Variants in AKR1C8 observed in about 807,000 individuals in gnomAD.
AKR1C8 encodes the protein aldo-keto reductase family 1 member C8.
At chr10:5,168,648 A>C in the AKR1C8 span, among the ~76,000 whole-genome samples, 6 of 152,174 alleles carry the variant, frequency 3.9e-5, no homozygotes, top group African/African-American at 1.4e-4. Context: ...TACTACTGAG[A>C]AACAGAGAGC....
At chr10:5,125,465 T>TC in the AKR1C8 span, among the ~76,000 whole-genome samples, 1 of 151,978 alleles carries the variant, frequency 6.6e-6, no homozygotes, top group Non-Finnish European at 1.5e-5. Flanking sequence ...CCAGAATACC[T>TC]CCCCTAGGGC....
chr10:5,142,171 A>G, the AKR1C8 span, among the ~76,000 whole-genome samples: 3 of 152,114 alleles, frequency 2.0e-5, no homozygotes, highest in Non-Finnish European at 4.4e-5. Flanking sequence ...CTAGATTTCT[A>G]ACATCTTCTC....
chr10:5,143,648 GTA>G, the AKR1C8 span, among the ~76,000 whole-genome samples: 1 of 149,968 alleles, frequency 6.7e-6, no homozygotes, highest in Admixed American at 6.6e-5. Context: ...ACATATACAT[GTA>G]TATATAATAC....
chr10:5,172,681 GCAACTCTTAAGA>G, the AKR1C8 span, among the ~76,000 whole-genome samples: 1 of 152,036 alleles, frequency 6.6e-6, no homozygotes, highest in Non-Finnish European at 1.5e-5. Context: ...ACGTATGCTG[GCAACTCTTAAGA>G]CATTTCTAAT....
the AKR1C8 span, among the ~76,000 whole-genome samples, chr10:5,176,088 T>C: frequency 1.5e-3 from 226 of 152,098 alleles, 1 homozygote; most frequent in African/African-American, 5.1e-3. Context: ...CTAGGTTTTC[T>C]TCTAGGGTTT....
chr10:5,165,842 G>GGA, the AKR1C8 span, among the ~76,000 whole-genome samples: 1 of 151,942 alleles, frequency 6.6e-6, no homozygotes, highest in Non-Finnish European at 1.5e-5. Context: ...GTAACTCCAG[G>GGA]GAGGCTTATG....
the AKR1C8 span, among the ~76,000 whole-genome samples, chr10:5,127,740 A>G: frequency 6.6e-6 from 1 of 151,146 alleles, no homozygotes; most frequent in Non-Finnish European, 1.5e-5. Context: ...AAAAAAAAAA[A>G]AAAAAAAAAG....
At chr10:5,148,808 A>G in the AKR1C8 span, among the ~76,000 whole-genome samples, 8 of 152,160 alleles carry the variant, frequency 5.3e-5, no homozygotes, top group Admixed American at 3.3e-4. Context: ...CATAGTGAGT[A>G]TGGGGTCCAG....
the AKR1C8 span, among the ~76,000 whole-genome samples, chr10:5,140,487 G>A: frequency 6.6e-6 from 1 of 152,260 alleles, no homozygotes; most frequent in Admixed American, 6.5e-5. Context: ...ATGAGTTCAT[G>A]TCCTTTGTAG....
chr10:5,184,414 A>T, the AKR1C8 span, among the ~76,000 whole-genome samples: 1 of 152,176 alleles, frequency 6.6e-6, no homozygotes, highest in Non-Finnish European at 1.5e-5. Flanking sequence ...CATTGATGAG[A>T]CTGTAACAGA....
At chr10:5,135,181 T>C in the AKR1C8 span, 1 of 225,668 alleles carries the variant, frequency 4.4e-6, no homozygotes. Context: ...AATACAGGCA[T>C]GAAATGACCA....
the AKR1C8 span, among the ~76,000 whole-genome samples, chr10:5,143,687 T>C: frequency 1.3e-5 from 2 of 148,568 alleles, no homozygotes; most frequent in South Asian, 2.1e-4. Flanking sequence ...ATCTAACATA[T>C]ACTAGATATA....
chr10:5,137,891 G>C, the AKR1C8 span, among the ~76,000 whole-genome samples: 7 of 152,010 alleles, frequency 4.6e-5, no homozygotes, highest in East Asian at 7.7e-4. Context: ...TAAGAACAGG[G>C]AATAGGTACA....
the AKR1C8 span, among the ~76,000 whole-genome samples, chr10:5,129,726 A>G: frequency 0.39 from 59,585 of 151,864 alleles, 12,498 homozygotes; most frequent in Non-Finnish European, 0.43. Flanking sequence ...TCAGGAAGAA[A>G]TAGAAAACCA....
the AKR1C8 span, among the ~76,000 whole-genome samples, chr10:5,126,055 A>G: frequency 6.6e-6 from 1 of 152,204 alleles, no homozygotes; most frequent in South Asian, 2.1e-4. Flanking sequence ...AGTTTCTTTC[A>G]GCAGAGACAC....
chr10:5,125,534 C>A, the AKR1C8 span, among the ~76,000 whole-genome samples: 4 of 152,140 alleles, frequency 2.6e-5, no homozygotes, highest in African/African-American at 9.7e-5. Flanking sequence ...TGGAAACCAA[C>A]CAACACAGTT....
chr10:5,158,366 A>G, the AKR1C8 span, among the ~76,000 whole-genome samples: 4 of 152,172 alleles, frequency 2.6e-5, no homozygotes, highest in East Asian at 7.7e-4. Context: ...CCACTTTAAA[A>G]TTTATTTTAG....
At chr10:5,128,603 C>T in the AKR1C8 span, among the ~76,000 whole-genome samples, 1 of 151,750 alleles carries the variant, frequency 6.6e-6, no homozygotes, top group African/African-American at 2.4e-5. Flanking sequence ...AGATTCCATG[C>T]AAATGGAAAC....
the AKR1C8 span, among the ~76,000 whole-genome samples, chr10:5,142,214 A>T: frequency 2.6e-3 from 396 of 152,258 alleles, 1 homozygote; most frequent in South Asian, 4.1e-3. Flanking sequence ...GCCTTCATAC[A>T]CTTGAAGAGA....
Sources: gnomAD v4.1 joint callset for allele counts (sites outside exome capture counted in the v4.1 genomes callset) on GRCh38, gnomAD v4.1.1 for gene constraint, MANE v1.5 for transcripts, NCBI Gene and HGNC (gene_info 2026-07-23, HGNC 2026-07-21) for gene names.